The following AOX1 variants were observed in gnomAD, a reference collection of about 807,000 sequenced individuals.
AOX1 encodes aldehyde oxidase 1.
A neutral mutation model predicts 169.5 loss-of-function variants in AOX1; 153 were observed. The observed-to-expected ratio is 0.90, with a 90% CI of 0.79 to 1.03. The LOEUF (loss-of-function observed/expected upper bound fraction) is 1.03, where lower values mean the gene tolerates loss of function less well. Among genes scored for constraint, AOX1 ranks in the 50% least tolerant of loss-of-function variants. The probability of loss-of-function intolerance (pLI) is 0.00; values close to 1 mark genes in which losing one functional copy is unlikely to be tolerated. For missense variants in AOX1, 1,656 were observed against 1,663.9 expected, an observed-to-expected ratio of 1.00 and a Z score of 0.08; for synonymous variants, 562 against 581.9, an observed-to-expected ratio of 0.97 and a Z score of 0.49.
chr2:200,636,808 G>GT, intron 21 of AOX1, 103 bp from the exon 22 acceptor site: 1 of 1,402,662 alleles, frequency 7.1e-7, no homozygotes, highest in Non-Finnish European at 9.7e-7. Context: ...CAGGGGACAG[G>GT]TTTTTTGTTG....
intron 4 of AOX1, among the ~76,000 whole-genome samples, chr2:200,597,819 G>C (rs1270242465): frequency 1.3e-5 from 2 of 152,178 alleles, no homozygotes; most frequent in Admixed American, 6.6e-5. Context: ...AACTCATAAA[G>C]AAACAAGAGC....
chr2:200,627,137 CT>C (rs1218015026), intron 19 of AOX1, among the ~76,000 whole-genome samples: 2 of 152,182 alleles, frequency 1.3e-5, no homozygotes, highest in Non-Finnish European at 2.9e-5. Flanking sequence ...CATATTATTT[CT>C]TCAGACTCAG....
chr2:200,620,728 G>A lies in AOX1; in HGVS notation c.1783G>A (p.Gly595Arg). 1 of 1,605,980 alleles carries A rather than the reference G, an allele frequency of 6.2e-7. No individual in the cohort carries two copies. The highest frequency in any genetic ancestry group is 8.5e-7 in the Non-Finnish European group (1 of 1,177,364). ...MHLSGVKHAT[G>R]EAIYCDDMPL... The stretch of plus-strand genomic sequence containing the variant: ...TCTGTCTGGTGTGAAGCATGCCACG[G>A]GGGAGGCCATCTACTGTGATGACAT... Residue 595 changes from glycine to arginine, a missense_variant, in exon 17 of 35, where the codon GGG becomes AGG. Physicochemically the swap from Gly to Arg is moderately radical, Grantham distance 125 (BLOSUM62 -2). Coordinates refer to ENST00000374700, the MANE Select transcript of AOX1 (RefSeq NM_001159.4).
chr2:200,624,935 C>A (rs372931182), intron 19 of AOX1, among the ~76,000 whole-genome samples: 1 of 152,108 alleles, frequency 6.6e-6, no homozygotes, highest in Non-Finnish European at 1.5e-5. Context: ...TCTGGGTGAC[C>A]GGCATGGCCT....
At chr2:200,638,349 C>CATAA in intron 23 of AOX1, 47 bp downstream of exon 23, 5 of 1,556,242 alleles carry the variant, frequency 3.2e-6, no homozygotes, top group South Asian at 1.1e-5. Context: ...GTAGATACAA[C>CATAA]ATCCTATCAG....
chr2:200,657,983 C>G (rs540336665), intron 27 of AOX1, among the ~76,000 whole-genome samples: 1 of 152,202 alleles, frequency 6.6e-6, no homozygotes, highest in Non-Finnish European at 1.5e-5. Context: ...TTTCTCCTGT[C>G]ATTAAGCAGT....
rs2105698788 is a variant in AOX1 at position 200,604,052 on chromosome 2, GCCA to G, written c.625_627del (p.Pro209del). 6.2e-7 allele frequency: 1 copy of G among 1,613,610 alleles called. No homozygotes were observed. The highest frequency in any genetic ancestry group is 8.5e-7 in the Non-Finnish European group (1 of 1,179,574). On this transcript the variant is annotated inframe_deletion, in exon 8 of 35. Coordinates refer to ENST00000374700, the MANE Select transcript of AOX1 (RefSeq NM_001159.4). ...AACTCTTCGCAGAAGAGGAGTTTCT[GCCA>G]TTGGATCCAACCCAGGAACTGATAT...
chr2:200,630,291 A>G (rs964474115), intron 20 of AOX1, among the ~76,000 whole-genome samples: 19 of 151,688 alleles, frequency 1.3e-4, no homozygotes, highest in Admixed American at 7.9e-4. Context: ...GTGAGGCTGA[A>G]GCAGGCAGAT....
chr2:200,663,607 C>A (rs2035873988), intron 31 of AOX1, among the ~76,000 whole-genome samples: 1 of 151,478 alleles, frequency 6.6e-6, no homozygotes, highest in East Asian at 1.9e-4. Flanking sequence ...CCCCCTCTTT[C>A]TGTCTCTGTT....
intron 31 of AOX1, among the ~76,000 whole-genome samples, chr2:200,664,350 C>A (rs1223422810): frequency 6.6e-6 from 1 of 152,250 alleles, no homozygotes; most frequent in African/African-American, 2.4e-5. Flanking sequence ...TCTCAAACTC[C>A]TGGCCTTCAA....
At chr2:200,679,656 G>GCC (rs35141860), downstream of AOX1, among the ~76,000 whole-genome samples, 91 of 149,784 alleles carry the variant, frequency 6.1e-4, no homozygotes, top group African/African-American at 1.2e-3. Context: ...AGGTAGTGAC[G>GCC]CCCCCCCCCG....
At chr2:200,681,031 CAGG>C (rs752321069), downstream of AOX1, among the ~76,000 whole-genome samples, 10 of 152,140 alleles carry the variant, frequency 6.6e-5, no homozygotes, top group Non-Finnish European at 1.5e-4. Flanking sequence ...AACTTCCTTT[CAGG>C]AGGAGGGGCA....
At chr2:200,613,688 C>T in intron 14 of AOX1, 116 bp from the exon 15 acceptor site, 1 of 1,058,354 alleles carries the variant, frequency 9.4e-7, no homozygotes, top group Non-Finnish European at 1.3e-6. Flanking sequence ...CTGCCTGATC[C>T]AGAGCTTGTA....
intron 10 of AOX1, among the ~76,000 whole-genome samples, chr2:200,607,431 C>T (rs2034538295): frequency 6.6e-6 from 1 of 152,164 alleles, no homozygotes; most frequent in African/African-American, 2.4e-5. Context: ...CATCTCATGC[C>T]AGTCAGAATG....
At chr2:200,645,979 C>T (rs570641015) in intron 25 of AOX1, among the ~76,000 whole-genome samples, 14 of 152,154 alleles carry the variant, frequency 9.2e-5, no homozygotes, top group East Asian at 3.9e-4. Context: ...ATCTTCCTAA[C>T]GGTCTATCAA....
intron 19 of AOX1, among the ~76,000 whole-genome samples, chr2:200,625,827 G>A (rs1272449385): frequency 6.6e-6 from 1 of 152,018 alleles, no homozygotes; most frequent in African/African-American, 2.4e-5. Context: ...GATTCCAATA[G>A]GAAGTGTGTT....
At chr2:200,588,277 G>A (rs1329468931) in intron 1 of AOX1, 1 of 152,610 alleles carries the variant, frequency 6.6e-6, no homozygotes, top group East Asian at 1.9e-4. Context: ...TGAGGTAGGA[G>A]GATTTCTGTG....
intron 31 of AOX1, among the ~76,000 whole-genome samples, chr2:200,663,568 A>ACTCTCTCTCTCTCTCT: frequency 8.1e-6 from 1 of 123,604 alleles, no homozygotes; most frequent in African/African-American, 3.0e-5. Context: ...ACACACACAC[A>ACTCTCTCTCTCTCTCT]CACACTCTCT....
intron 14 of AOX1, among the ~76,000 whole-genome samples, chr2:200,613,027 T>TGTGA (rs112472592): frequency 4.1e-5 from 6 of 146,208 alleles, no homozygotes; most frequent in South Asian, 2.2e-4. Context: ...TGTGTGTGTG[T>TGTGA]GAGAGAGAGA....
Sources: allele counts gnomAD v4.1 joint callset (sites outside exome capture counted in the v4.1 genomes callset), GRCh38; gene constraint gnomAD v4.1.1; transcripts MANE v1.5; gene names NCBI Gene and HGNC (gene_info 2026-07-23, HGNC 2026-07-21).